ATP6V0E1: variants seen among roughly 807,000 people sequenced by gnomAD.
ATP6V0E1 encodes the protein ATPase H+ transporting V0 subunit e1, also known as V-type proton ATPase subunit e 1.
In ATP6V0E1, 4 loss-of-function variants were observed where a neutral mutation model predicts 11.6. That is an observed-to-expected ratio of 0.35 (90% CI 0.17 to 0.79). The LOEUF (loss-of-function observed/expected upper bound fraction) is 0.79, where lower values mean the gene tolerates loss of function less well. ATP6V0E1 is among the 30% of genes least tolerant of loss of function. ATP6V0E1 has a pLI of 0.54. For synonymous variants in ATP6V0E1, 36 were observed against 34.8 expected (o/e 1.04, Z -0.13); for missense variants, 105 against 100.0 (o/e 1.05, Z -0.21).
At chr5:172,990,993 C>A (rs1755970762) in intron 1 of ATP6V0E1, among the ~76,000 whole-genome samples, 1 of 152,062 alleles carries the variant, frequency 6.6e-6, no homozygotes, top group Non-Finnish European at 1.5e-5. Context: ...CCCTGCGTTG[C>A]CAAGGCCTCG....
rs1352572820 is a variant in ATP6V0E1, at chr5:172,998,661, A to G, written c.152+3839A>G. ...ATGAGGGCAAATACATGTATCATCAAGAACTGATTTTAGTACGATGGTTGA... is the reference window on the plus strand; with the variant it reads ...ATGAGGGCAAATACATGTATCATCAGGAACTGATTTTAGTACGATGGTTGA... On this transcript the variant is annotated intron_variant, in intron 2 of 3. Coordinates refer to ENST00000519374, the MANE Select transcript of ATP6V0E1 (RefSeq NM_003945.4). 3.3e-5 allele frequency among the ~76,000 whole-genome samples: 5 copies of G among 152,010 alleles called. No homozygotes were observed. The East Asian group carries it at 7.7e-4, about 23-fold the overall frequency.
chr5:172,988,078 A>C (rs1283781839), intron 1 of ATP6V0E1, among the ~76,000 whole-genome samples: 1 of 152,190 alleles, frequency 6.6e-6, no homozygotes, highest in African/African-American at 2.4e-5. Context: ...TTAACTTTTT[A>C]AACTTTTTTT....
chr5:173,017,899 C>T (rs1756429005), intron 2 of ATP6V0E1, among the ~76,000 whole-genome samples: 3 of 150,698 alleles, frequency 2.0e-5, no homozygotes, highest in Non-Finnish European at 1.5e-5. Flanking sequence ...CCCAATGTAC[C>T]ATGCAGAAAG....
At chr5:173,004,102 G>T (rs1219084526) in intron 2 of ATP6V0E1, among the ~76,000 whole-genome samples, 1 of 152,158 alleles carries the variant, frequency 6.6e-6, no homozygotes, top group Admixed American at 6.6e-5. Context: ...CCAAACCTGA[G>T]GAATGCCAAC....
At chr5:173,025,942 T>G (rs1352825331) in intron 3 of ATP6V0E1, among the ~76,000 whole-genome samples, 1 of 152,148 alleles carries the variant, frequency 6.6e-6, no homozygotes, top group East Asian at 1.9e-4. Context: ...AAGGATCTCT[T>G]GAGCCCAGAG....
Position 173,034,309 on chromosome 5 carries a change from G to A in ATP6V0E1, c.*37-90G>A, listed in dbSNP as rs182434503. Reference sequence around the variant, plus strand: ...TTGTTGAGCATCTGTGCATTTTAAAGTGTTGGCTTGGTTAACTTTCTCGAT... The same window carrying A: ...TTGTTGAGCATCTGTGCATTTTAAAATGTTGGCTTGGTTAACTTTCTCGAT... On this transcript the variant is annotated intron_variant, in intron 3 of 3. Coordinates refer to ENST00000519374, the MANE Select transcript of ATP6V0E1 (RefSeq NM_003945.4). 1,267 of 693,950 alleles carry A rather than the reference G, an allele frequency of 1.8e-3. 16 individuals are homozygous for A. The African/African-American group carries it at 0.019, about 10-fold the overall frequency. The allele number at this position is 693,950 out of a possible 1,614,324, so 43.0% of individuals were successfully genotyped here.
At chr5:172,997,619 C>G (rs1756086585) in intron 2 of ATP6V0E1, among the ~76,000 whole-genome samples, 1 of 149,726 alleles carries the variant, frequency 6.7e-6, no homozygotes, top group African/African-American at 2.5e-5. Context: ...ACCATCCTGG[C>G]TAACACAGTG....
intron 2 of ATP6V0E1, among the ~76,000 whole-genome samples, chr5:173,006,805 T>A (rs1050010103): frequency 1.4e-5 from 2 of 147,374 alleles, no homozygotes; most frequent in Non-Finnish European, 3.0e-5. Flanking sequence ...GTTTTGGGGG[T>A]TTTTTTTGGC....
At chr5:173,013,724 GGACAT>G (rs1274130486) in intron 2 of ATP6V0E1, among the ~76,000 whole-genome samples, 36 of 152,160 alleles carry the variant, frequency 2.4e-4, no homozygotes, top group Admixed American at 2.1e-3. Context: ...AATGGACAAA[GGACAT>G]GACTAGATAT....
chr5:173,011,143 G>A lies in ATP6V0E1; in HGVS notation c.153-9095G>A, dbSNP rs535252313. ...AACATGGCACTGCTAAATGATTGTG[G>A]AATAAATGAATCCCTAGGCTGCCTG... On this transcript the variant is annotated intron_variant, in intron 2 of 3. Transcript: ENST00000519374. 2.0e-5 allele frequency among the ~76,000 whole-genome samples: 3 copies of A among 151,118 alleles called. No homozygotes were observed. In the South Asian group the frequency reaches 6.3e-4, roughly 32 times the overall value.
At chr5:172,992,346 C>T (rs1361157715) in intron 1 of ATP6V0E1, among the ~76,000 whole-genome samples, 3 of 152,184 alleles carry the variant, frequency 2.0e-5, no homozygotes, top group Admixed American at 6.5e-5. Context: ...CCACTGCGCC[C>T]GGCCATAACT....
chr5:172,989,206 G>T (rs1755943500), intron 1 of ATP6V0E1, among the ~76,000 whole-genome samples: 1 of 152,102 alleles, frequency 6.6e-6, no homozygotes, highest in Non-Finnish European at 1.5e-5. Context: ...TAGGCATGGT[G>T]GTGTAGACCT....
chr5:173,031,067 C>A (rs994807482), intron 3 of ATP6V0E1, among the ~76,000 whole-genome samples: 9 of 151,978 alleles, frequency 5.9e-5, no homozygotes, highest in Non-Finnish European at 1.0e-4. Context: ...GCCTCAGGCT[C>A]CCAAGTAGCT....
At chr5:172,998,472 G>A (rs537234526) in intron 2 of ATP6V0E1, among the ~76,000 whole-genome samples, 237 of 152,078 alleles carry the variant, frequency 1.6e-3, no homozygotes, top group Middle Eastern at 3.4e-3. Flanking sequence ...TTAGCTGCGC[G>A]TGATGGTACG....
chr5:173,013,191 G>GA lies in ATP6V0E1; in HGVS notation c.153-7040dup, dbSNP rs1343179588. On this transcript the variant is annotated intron_variant, in intron 2 of 3. Transcript: ENST00000519374. ...AGCAAGACACTTGTGTTAAAAAAAA[G>GA]AAAAAAAGGCACAGTCAACAAAAAC... Among the ~76,000 whole-genome samples the GA allele has an allele frequency of 6.6e-5, 10 of 150,478 alleles. No homozygotes were observed. In the South Asian group the frequency reaches 2.1e-3, roughly 32 times the overall value.
intron 3 of ATP6V0E1, among the ~76,000 whole-genome samples, chr5:173,033,035 G>T (rs1275799043): frequency 6.6e-6 from 1 of 152,224 alleles, no homozygotes; most frequent in Non-Finnish European, 1.5e-5. Flanking sequence ...GGTCGAGGCT[G>T]CAGTGAGCTG....
chr5:172,994,854 G>T lies in ATP6V0E1; in HGVS notation c.152+32G>T, dbSNP rs369931007. The T allele has an allele frequency of 1.2e-5, 19 of 1,536,708 alleles. No individual in the cohort carries two copies. In the African/African-American group the frequency reaches 2.5e-4, roughly 20 times the overall value. ...AATTTTTTCTTAAGTAATTATTCTTGGTATTTGTAGTGTGTGCGATTTACA... is the reference window on the plus strand; with the variant it reads ...AATTTTTTCTTAAGTAATTATTCTTTGTATTTGTAGTGTGTGCGATTTACA... On this transcript the variant is annotated intron_variant, in intron 2 of 3. Coordinates refer to ENST00000519374, the MANE Select transcript of ATP6V0E1 (RefSeq NM_003945.4).
At chr5:173,028,183 T>C (rs1182905154) in intron 3 of ATP6V0E1, among the ~76,000 whole-genome samples, 1 of 152,194 alleles carries the variant, frequency 6.6e-6, no homozygotes, top group Non-Finnish European at 1.5e-5. Context: ...ATTATGAACA[T>C]CGTGTCATGC....
In ATP6V0E1 at chr5:172,983,983, C is replaced by G; in HGVS notation, c.104+19C>G. ...ACCGGGGGTAAGTGCGTGAGGCCCG[C>G]CTTGGGAGGAACGGGCGGTGAGGAG... is the stretch of plus-strand genomic sequence containing the variant. On this transcript the variant is annotated intron_variant, in intron 1 of 3. Coordinates refer to ENST00000519374, the MANE Select transcript of ATP6V0E1 (RefSeq NM_003945.4). 2 of 1,607,928 alleles carry G rather than the reference C, an allele frequency of 1.2e-6. No individual in the cohort carries two copies. Among genetic ancestry groups the G allele is most frequent in the African/African-American group, 1.3e-5 (1 of 74,902 alleles).
Sources: allele counts gnomAD v4.1 joint callset (sites outside exome capture counted in the v4.1 genomes callset), GRCh38; gene constraint gnomAD v4.1.1; transcripts MANE v1.5; gene names NCBI Gene and HGNC (gene_info 2026-07-23, HGNC 2026-07-21).